CENPK: variants seen among roughly 807,000 people sequenced by gnomAD.
The protein encoded by CENPK is centromere protein K.
Under a neutral mutation model 40.9 loss-of-function variants are expected in CENPK, and 46 were observed. The observed-to-expected ratio is 1.13, with a 90% confidence interval of 0.89 to 1.44. CENPK has a LOEUF of 1.44. Among genes scored for constraint, CENPK ranks in the 40% most tolerant of loss-of-function variants. The probability of loss-of-function intolerance (pLI) is 0.00; values close to 1 mark genes in which losing one functional copy is unlikely to be tolerated. For missense variants in CENPK, 288 were observed against 303.5 expected (o/e 0.95, Z 0.38); for synonymous variants, 107 against 104.4 (o/e 1.02, Z -0.15).
chr5:65,506,613 G>A, the CENPK span, among the ~76,000 whole-genome samples: 2 of 152,078 alleles, frequency 1.3e-5, no homozygotes, highest in Non-Finnish European at 2.9e-5. Context: ...GCGAAACCCT[G>A]TCTCTACTAA....
chr5:65,509,384 T>G, the CENPK span, among the ~76,000 whole-genome samples: 2 of 152,334 alleles, frequency 1.3e-5, no homozygotes, highest in East Asian at 3.9e-4. Context: ...ATAGTTAGAA[T>G]CATATAGTAT....
downstream of CENPK, among the ~76,000 whole-genome samples, chr5:65,514,467 A>G (rs928427480): frequency 6.6e-6 from 1 of 151,758 alleles, no homozygotes; most frequent in Non-Finnish European, 1.5e-5. Context: ...GGGTTTCACC[A>G]TATTGGTCAG....
At chr5:65,529,040 C>T (rs762682516) in intron 7 of CENPK, 23 bp from the exon 8 acceptor site, 32 of 1,560,788 alleles carry the variant, frequency 2.1e-5, no homozygotes, top group Middle Eastern at 1.7e-4. Context: ...AAAAACAATA[C>T]AAGCAATATC....
chr5:65,544,644 A>T (rs1312297729), intron 5 of CENPK, among the ~76,000 whole-genome samples: 1 of 152,236 alleles, frequency 6.6e-6, no homozygotes, highest in Admixed American at 6.5e-5. Flanking sequence ...TTCCGTTGAC[A>T]GATGAATGGA....
intron 5 of CENPK, among the ~76,000 whole-genome samples, chr5:65,545,320 GCGCGCACACACACACACACACACA>G (rs1748695130): frequency 2.9e-5 from 1 of 34,584 alleles, no homozygotes; most frequent in African/African-American, 1.2e-4. Context: ...AGTCCTCAAA[GCGCGCACACACACACACACACACA>G]CACACACACA....
downstream of CENPK, among the ~76,000 whole-genome samples, chr5:65,515,189 C>T (rs1322992783): frequency 1.5e-5 from 2 of 136,456 alleles, no homozygotes; most frequent in Non-Finnish European, 3.2e-5. Context: ...ACTGCTTTTG[C>T]TGCATCTCAA....
intron 6 of CENPK, among the ~76,000 whole-genome samples, chr5:65,540,279 G>T (rs1484278469): frequency 6.6e-6 from 1 of 152,146 alleles, no homozygotes; most frequent in Non-Finnish European, 1.5e-5. Flanking sequence ...TTTCCTCAAA[G>T]ATTCAACTTC....
rs145972161 is a variant in CENPK, at chr5:65,558,222, T to C, written c.-40+3241A>G. 2.6e-3 allele frequency among the ~76,000 whole-genome samples: 401 copies of C among 152,132 alleles called. 2 individuals carry two copies. The highest frequency in any genetic ancestry group is 8.9e-3 in the African/African-American group (371 of 41,488). On this transcript the variant is annotated intron_variant, in intron 2 of 10. Coordinates refer to ENST00000396679, the MANE Select transcript of CENPK (RefSeq NM_022145.5). ...TACAGTTAGTAGCTGGAGGGAGATA[T>C]AGGGTTAAAAGAGACTTTTTCTTTT...
intron 7 of CENPK, 36 bp downstream of exon 7, chr5:65,529,078 ATAT>A (rs1561634225): frequency 6.5e-7 from 1 of 1,538,900 alleles, no homozygotes; most frequent in Admixed American, 1.7e-5. Flanking sequence ...GTCACTTAAT[ATAT>A]ATGAATGATT....
the CENPK span, among the ~76,000 whole-genome samples, chr5:65,498,380 A>G: frequency 6.6e-6 from 1 of 152,114 alleles, no homozygotes; most frequent in African/African-American, 2.4e-5. Flanking sequence ...GTAACTTACC[A>G]TAGTCTACTG....
chr5:65,542,886 T>G, intron 5 of CENPK, 38 bp from the exon 6 acceptor site: 6 of 1,538,092 alleles, frequency 3.9e-6, no homozygotes, highest in Non-Finnish European at 5.3e-6. Context: ...CACATATATT[T>G]AGTTAATTCT....
chr5:65,522,903 GA>G (rs1744041020), intron 9 of CENPK, among the ~76,000 whole-genome samples: 1 of 152,150 alleles, frequency 6.6e-6, no homozygotes, highest in Non-Finnish European at 1.5e-5. Context: ...ACGGAGACTG[GA>G]ATTCTATTCA....
chr5:65,511,753 G>C, the CENPK span, among the ~76,000 whole-genome samples: 9 of 152,122 alleles, frequency 5.9e-5, no homozygotes, highest in African/African-American at 2.2e-4. Context: ...TGCTCCTTAT[G>C]AGAAGCTAAT....
rs771118232 is a variant in CENPK at position 65,554,805 on chromosome 5, T to C, written c.103A>G (p.Met35Val). The change falls in exon 3 of 11, where the codon ATG (methionine) becomes GTG (valine). Residue 35 changes from methionine to valine, a missense_variant. Met to Val is a conservative substitution (Grantham distance 21). Transcript: ENST00000396679. ...TATCTTTTGAAACTTACTTCTTCCA[T>C]ATCTTTCCACATTTCTTCACATTCT... ...IRECEEMWKD[M>V]EECQNKLSLI... is the part of the protein sequence containing the mutation. 6.5e-7 allele frequency: 1 copy of C among 1,532,338 alleles called. No homozygotes were observed. Among genetic ancestry groups the C allele is most frequent in the East Asian group, 2.3e-5 (1 of 44,394 alleles). The allele number at this position is 1,532,338 out of a possible 1,614,324, so 94.9% of individuals were successfully genotyped here.
intron 6 of CENPK, among the ~76,000 whole-genome samples, chr5:65,529,961 C>T (rs1745476396): frequency 1.3e-5 from 2 of 151,564 alleles, no homozygotes; most frequent in Admixed American, 6.6e-5. Context: ...CGTGCCACCA[C>T]GCCCAGCTAA....
At chr5:65,540,266 A>G (rs960298473) in intron 6 of CENPK, among the ~76,000 whole-genome samples, 3 of 152,228 alleles carry the variant, frequency 2.0e-5, no homozygotes, top group Middle Eastern at 3.2e-3. Flanking sequence ...CTTTTCTTAA[A>G]TATTTCCTCA....
chr5:65,507,339 G>T, the CENPK span, among the ~76,000 whole-genome samples: 2 of 152,094 alleles, frequency 1.3e-5, no homozygotes, highest in African/African-American at 4.8e-5. Flanking sequence ...CACTAAAAAG[G>T]ATTCAGATAA....
chr5:65,547,408 A>AT (rs1554113777), intron 5 of CENPK, among the ~76,000 whole-genome samples: 204 of 151,502 alleles, frequency 1.3e-3, no homozygotes, highest in African/African-American at 4.6e-3. Flanking sequence ...AAAAAAAAAA[A>AT]TTTTGAGTAT....
intron 6 of CENPK, 62 bp downstream of exon 6, chr5:65,542,740 T>C (rs776122848): frequency 1.2e-4 from 153 of 1,251,912 alleles, no homozygotes; most frequent in Non-Finnish European, 1.7e-4. Flanking sequence ...GCCATGAACT[T>C]ATCTAAAATA....
Sources: allele counts gnomAD v4.1 joint callset (sites outside exome capture counted in the v4.1 genomes callset), GRCh38; gene constraint gnomAD v4.1.1; transcripts MANE v1.5; gene names NCBI Gene and HGNC (gene_info 2026-07-23, HGNC 2026-07-21).